Variants in REEP1 observed in about 807,000 individuals in gnomAD.
REEP1 encodes receptor expression-enhancing protein 1.
REEP1 carries 22 observed loss-of-function variants against 40.3 expected under a neutral mutation model. The ratio of observed to expected loss-of-function variants is 0.55; its 90% confidence interval spans 0.39 to 0.78. The LOEUF is 0.78. REEP1 is among the 30% of genes least tolerant of loss of function. REEP1 has a pLI of 0.00. For missense variants in REEP1, 280 were observed against 361.1 expected, an observed-to-expected ratio of 0.78 and a Z score of 1.82; for synonymous variants, 116 against 139.2, an observed-to-expected ratio of 0.83 and a Z score of 1.17.
chr2:86,224,084 A>T (rs1674568474), intron 7 of REEP1, among the ~76,000 whole-genome samples: 1 of 152,102 alleles, frequency 6.6e-6, no homozygotes, highest in Non-Finnish European at 1.5e-5. Context: ...GGGGCCTCTA[A>T]GCTCTGTCAC....
intron 1 of REEP1, among the ~76,000 whole-genome samples, chr2:86,305,534 A>G (rs1679442601): frequency 6.6e-6 from 1 of 152,206 alleles, no homozygotes. Flanking sequence ...GAGAGGCATG[A>G]AAATCACCAG....
Position 86,215,866 on chromosome 2 carries a change from C to T in REEP1, c.*1173G>A, listed in dbSNP as rs893183597. On this transcript the variant is annotated 3_prime_UTR_variant, in exon 9 of 9. Coordinates refer to ENST00000538924, the MANE Select transcript of REEP1 (RefSeq NM_001371279.1). ...CCAGGAGGGGAACAGAAGGTGTGAG[C>T]CACAGGTGCTCCTGGGTCTGACCAG... 2 of 152,188 alleles carry T rather than the reference C, an allele frequency of 1.3e-5. No homozygotes were observed. Among genetic ancestry groups the T allele is most frequent in the African/African-American group, 4.8e-5 (2 of 41,412 alleles). 9.4% of individuals were successfully genotyped at this position (152,188 alleles called of 1,614,324 possible).
At chr2:86,258,700 C>T (rs1574045530) in intron 3 of REEP1, among the ~76,000 whole-genome samples, 1 of 152,348 alleles carries the variant, frequency 6.6e-6, no homozygotes, top group East Asian at 1.9e-4. Context: ...TTCTTCCAGC[C>T]TACCTCGAGA....
intron 1 of REEP1, among the ~76,000 whole-genome samples, chr2:86,330,733 C>A (rs1680728310): frequency 6.6e-6 from 1 of 152,086 alleles, no homozygotes; most frequent in Admixed American, 6.6e-5. Flanking sequence ...CGGTCAGCCA[C>A]CGTGCCCAGC....
intron 3 of REEP1, among the ~76,000 whole-genome samples, chr2:86,258,684 C>CA (rs1453302380): frequency 6.6e-6 from 1 of 152,208 alleles, no homozygotes; most frequent in African/African-American, 2.4e-5. Flanking sequence ...CAATCCCCGC[C>CA]AAGTCTTCTT....
intron 6 of REEP1, among the ~76,000 whole-genome samples, chr2:86,228,126 TC>T (rs1247075136): frequency 2.0e-5 from 3 of 152,144 alleles, no homozygotes; most frequent in Non-Finnish European, 2.9e-5. Context: ...CCCAGCCCCA[TC>T]CTGGGTGCTG....
intron 4 of REEP1, among the ~76,000 whole-genome samples, chr2:86,253,705 C>T (rs1307859931): frequency 6.6e-6 from 1 of 152,198 alleles, no homozygotes; most frequent in Non-Finnish European, 1.5e-5. Context: ...GGTCCGAGTT[C>T]CTAAAGAGAT....
intron 1 of REEP1, among the ~76,000 whole-genome samples, chr2:86,290,704 C>T (rs1033049262): frequency 1.9e-4 from 29 of 152,216 alleles, no homozygotes; most frequent in African/African-American, 6.3e-4. Flanking sequence ...GATCTAAGTG[C>T]TTGAGAAACT....
intron 7 of REEP1, among the ~76,000 whole-genome samples, chr2:86,226,543 A>G (rs1674717774): frequency 6.9e-6 from 1 of 144,670 alleles, no homozygotes; most frequent in African/African-American, 2.6e-5. Flanking sequence ...ATCATGGCTC[A>G]CTGCAACCTT....
At chr2:86,262,081 C>G (rs1257000521) in intron 3 of REEP1, among the ~76,000 whole-genome samples, 1 of 152,242 alleles carries the variant, frequency 6.6e-6, no homozygotes, top group Non-Finnish European at 1.5e-5. Flanking sequence ...GAGAAACACC[C>G]ACGAATGATC....
intron 1 of REEP1, among the ~76,000 whole-genome samples, chr2:86,321,431 G>C (rs1680266271): frequency 6.6e-6 from 1 of 152,078 alleles, no homozygotes; most frequent in South Asian, 2.1e-4. Flanking sequence ...CACTATCTCA[G>C]AGTACAGAAA....
chr2:86,334,094 T>C (rs1038453736), intron 1 of REEP1, among the ~76,000 whole-genome samples: 1 of 152,208 alleles, frequency 6.6e-6, no homozygotes, highest in Admixed American at 6.5e-5. Context: ...TGCATTCAGG[T>C]GCCAGATACT....
chr2:86,277,991 A>C (rs1298065763), intron 2 of REEP1, among the ~76,000 whole-genome samples: 3 of 152,228 alleles, frequency 2.0e-5, no homozygotes, highest in Non-Finnish European at 4.4e-5. Flanking sequence ...TTTATTAACA[A>C]ATCCATTTCA....
At chr2:86,226,457 C>CTTTTT (rs1558870431) in intron 7 of REEP1, among the ~76,000 whole-genome samples, 2 of 39,814 alleles carry the variant, frequency 5.0e-5, no homozygotes, top group African/African-American at 8.9e-5. Flanking sequence ...CCTGTTGTGG[C>CTTTTT]TTTTTCTTTT....
intron 5 of REEP1, among the ~76,000 whole-genome samples, chr2:86,237,324 A>G (rs2104095661): frequency 6.6e-6 from 1 of 152,340 alleles, no homozygotes; most frequent in Middle Eastern, 3.4e-3. Context: ...AATCCCAGAA[A>G]CAACAGCTCG....
intron 2 of REEP1, among the ~76,000 whole-genome samples, chr2:86,270,522 G>A (rs1384661705): frequency 6.6e-6 from 1 of 152,158 alleles, no homozygotes; most frequent in East Asian, 1.9e-4. Flanking sequence ...GTATAAATAT[G>A]TTAAAGAATC....
At chr2:86,257,636 C>CTTT (rs58647410) in intron 3 of REEP1, among the ~76,000 whole-genome samples, 1 of 133,790 alleles carries the variant, frequency 7.5e-6, no homozygotes, top group African/African-American at 2.8e-5. Flanking sequence ...CCTCACTCAT[C>CTTT]TTTTTTTTTT....
At chr2:86,265,838 T>C (rs1462612207) in intron 2 of REEP1, among the ~76,000 whole-genome samples, 2 of 152,142 alleles carry the variant, frequency 1.3e-5, no homozygotes, top group African/African-American at 4.8e-5. Flanking sequence ...ATGGGTACAA[T>C]TTAGACTACT....
At chr2:86,298,934 A>C (rs998345931) in intron 1 of REEP1, among the ~76,000 whole-genome samples, 2 of 152,184 alleles carry the variant, frequency 1.3e-5, no homozygotes, top group Non-Finnish European at 2.9e-5. Flanking sequence ...GCTGGGGAGA[A>C]AAACAGGAAA....
Sources: gnomAD v4.1 joint callset for allele counts (sites outside exome capture counted in the v4.1 genomes callset) on GRCh38, gnomAD v4.1.1 for gene constraint, MANE v1.5 for transcripts, NCBI Gene and HGNC (gene_info 2026-07-23, HGNC 2026-07-21) for gene names.